TAP1: variants seen among roughly 807,000 people sequenced by gnomAD.
TAP1 encodes the protein antigen peptide transporter 1.
A neutral mutation model predicts 79.3 loss-of-function variants in TAP1; 56 were observed. The ratio of observed to expected loss-of-function variants is 0.71; its 90% CI spans 0.57 to 0.88. The LOEUF (loss-of-function observed/expected upper bound fraction) is 0.88. TAP1 is among the 40% of genes least tolerant of loss of function. The probability of loss-of-function intolerance (pLI) is 0.00; values close to 1 mark genes in which losing one functional copy is unlikely to be tolerated. For synonymous variants in TAP1, 355 were observed against 401.4 expected (o/e 0.88, Z 1.38); for missense variants, 737 against 936.3 (o/e 0.79, Z 2.78).
In TAP1 at chr6:32,847,196, C is replaced by T. The variant is rs1770482881; in HGVS notation, c.1912G>A (p.Glu638Lys). Residue 638 changes from glutamate (E) to lysine (K), a missense_variant, in exon 10 of 11, where the codon GAG becomes AAG. Transcript: ENST00000354258. The surrounding 1 kb of genome is among the most constrained non-coding windows in gnomAD (Gnocchi z 4.7). ...CCCCCTGACAGCTGGCTCCCAGCCT[C>T]GTCTACCTCTGCAGAGCAAAGGGCC... ...LPQGYDTEVD[E>K]AGSQLSGGQR... 1 of 1,611,978 alleles carries T rather than the reference C, an allele frequency of 6.2e-7. No individual in the cohort carries two copies. Among genetic ancestry groups the T allele is most frequent in the Non-Finnish European group, 8.5e-7 (1 of 1,180,024 alleles).
chr6:32,852,395 T>A lies in TAP1; in HGVS notation c.706A>T (p.Ile236Leu), dbSNP rs1223438256. The stretch of plus-strand genomic sequence containing the variant: ...CATTTTCAGCCCCCAGACCTGGCTA[T>A]GGTGAGAATGGACATGAGAGTTAAG... ...RNLTLMSILT[I>L]ASAVLEFVGD... Residue 236 changes from isoleucine to leucine, a missense_variant, in exon 2 of 11, where the codon ATA (isoleucine) becomes TTA (leucine). Physicochemically the swap from Ile to Leu is conservative, Grantham distance 5 (BLOSUM62 2). This residue lies in a region of TAP1 where 406 missense variants were observed against 477.2 expected (regional missense o/e 0.85). Coordinates refer to ENST00000354258, the MANE Select transcript of TAP1 (RefSeq NM_000593.6). The surrounding 1 kb of genome is among the most constrained non-coding windows in gnomAD (Gnocchi z 4.8). 6.2e-7 allele frequency: 1 copy of A among 1,613,044 alleles called. No individual in the cohort carries two copies. Among genetic ancestry groups the A allele is most frequent in the Non-Finnish European group, 8.5e-7 (1 of 1,180,020 alleles).
Position 32,850,155 on chromosome 6 carries a change from G to T in TAP1, c.1248+165C>A, listed in dbSNP as rs151186548. 5,739 of 732,578 alleles carry T rather than the reference G, an allele frequency of 7.8e-3. 257 individuals carry two copies. Among genetic ancestry groups the T allele is most frequent in the South Asian group, 0.062 (4,132 of 66,688 alleles). The allele number at this position is 732,578 out of a possible 1,614,324, so 45.4% of individuals were successfully genotyped here. Reference sequence around the variant, plus strand: ...CTAGCATCTTTAAAGAGAGGGAGGGGGCTAGGGACACTGAGTAGAGTCATT... The same window carrying T: ...CTAGCATCTTTAAAGAGAGGGAGGGTGCTAGGGACACTGAGTAGAGTCATT... On this transcript the variant is annotated intron_variant, in intron 5 of 10. Transcript: ENST00000354258. The surrounding 1 kb of genome is among the most constrained non-coding windows in gnomAD (Gnocchi z 5.5).
chr6:32,846,510 T>G (rs1300683971), intron 10 of TAP1: 1 of 170,740 alleles, frequency 5.9e-6, no homozygotes, highest in African/African-American at 2.4e-5. Flanking sequence ...CTTTTCCTTA[T>G]GTTTCGCTTT....
In TAP1 at chr6:32,853,099, G is replaced by A; in HGVS notation, c.538C>T (p.Leu180=). The part of the protein sequence containing the change: ...GNPVRRLLGC[L]GSETRRLSLF... ...GAGAGGCGGCGCGTCTCCGAGCCCA[G>A]GCAGCCTAGAAGCCGACGCACAGGG... The change falls in exon 1 of 11, where the codon CTG becomes TTG. Residue 180 remains leucine (L), a synonymous_variant. Transcript: ENST00000354258. This position sits in a 1 kb window ranked among gnomAD's most constrained non-coding sequence, Gnocchi z 8.3. 6.2e-7 allele frequency: 1 copy of A among 1,612,726 alleles called. No homozygotes were observed. Among genetic ancestry groups the A allele is most frequent in the East Asian group, 2.2e-5 (1 of 44,888 alleles).
chr6:32,845,579 T>C lies in TAP1; in HGVS notation c.2247A>G (p.Ter749TrpextTer32). The C allele has an allele frequency of 1.2e-6, 2 of 1,613,034 alleles. No individual in the cohort carries two copies. The highest frequency in any genetic ancestry group is 1.7e-6 in the Non-Finnish European group (2 of 1,180,018). ...MVQAPADAPE[*>W] ...GGAGTGCGCAGGTCTGAGAAGGCTT[T>C]CATTCTGGAGCATCTGCAGGAGCCT... The change falls in exon 11 of 11, where the codon TGA becomes TGG. Residue 749 changes from the stop codon to tryptophan (W), a stop_lost. Transcript: ENST00000354258. This position sits in a 1 kb window ranked among gnomAD's most constrained non-coding sequence, Gnocchi z 4.5.
intron 10 of TAP1, among the ~76,000 whole-genome samples, chr6:32,846,713 G>A (rs1770435042): frequency 6.6e-6 from 1 of 152,038 alleles, no homozygotes; most frequent in Non-Finnish European, 1.5e-5. Flanking sequence ...CAGCTACTCG[G>A]GAGGCTGAGG....
In TAP1 at chr6:32,853,079, G is replaced by T. The variant is rs746995070; in HGVS notation, c.558C>A (p.Arg186=). 6.2e-7 allele frequency: 1 copy of T among 1,612,668 alleles called. No homozygotes were observed. Among genetic ancestry groups the T allele is most frequent in the African/African-American group, 1.3e-5 (1 of 75,052 alleles). Reference sequence around the variant, plus strand: ...CCACCAGGACCAGGAACAGCGAGAGGCGGCGCGTCTCCGAGCCCAGGCAGC... The same window carrying T: ...CCACCAGGACCAGGAACAGCGAGAGTCGGCGCGTCTCCGAGCCCAGGCAGC... The part of the protein sequence containing the change: ...LLGCLGSETR[R]LSLFLVLVVL... Residue 186 remains arginine, a synonymous_variant, in exon 1 of 11, where the codon CGC becomes CGA. Transcript: ENST00000354258. The surrounding 1 kb of genome is among the most constrained non-coding windows in gnomAD (Gnocchi z 8.3).
intron 5 of TAP1, chr6:32,849,325 A>C: frequency 1.6e-6 from 1 of 634,506 alleles, no homozygotes; most frequent in Non-Finnish European, 2.8e-6. Context: ...CTTCACCACC[A>C]TCACCACTAT....
rs779587883 is a variant in TAP1 at position 32,848,648 on chromosome 6, G to A, written c.1566+4C>T. ...AGTGGAATACAGGGAGTGGTAGGTTGTACCTGTAGCACTAAGACATCTGGG... is the reference window on the plus strand; with the variant it reads ...AGTGGAATACAGGGAGTGGTAGGTTATACCTGTAGCACTAAGACATCTGGG... On this transcript the variant is annotated splice_donor_region_variant and intron_variant, in intron 7 of 10. Transcript: ENST00000354258. 3 of 1,613,790 alleles carry A rather than the reference G, an allele frequency of 1.9e-6. No homozygotes were observed. Among genetic ancestry groups the A allele is most frequent in the East Asian group, 2.2e-5 (1 of 44,884 alleles).
In TAP1 at chr6:32,851,927, GAGAGAGAGAGAGAGAGACAGAGAC is replaced by G. The variant is rs1390436007; in HGVS notation, c.844+158_844+181del. On this transcript the variant is annotated intron_variant, in intron 3 of 10. Coordinates refer to ENST00000354258, the MANE Select transcript of TAP1 (RefSeq NM_000593.6). This position sits in a 1 kb window ranked among gnomAD's most constrained non-coding sequence, Gnocchi z 4.8. ...AACAATTGTGTGTGTGTGTGTGTGA[GAGAGAGAGAGAGAGAGACAGAGAC>G]AGAGAGAGAGAGACAGGGAGAGGGT... 7.0e-6 allele frequency among the ~76,000 whole-genome samples: 1 copy of G among 142,800 alleles called. No homozygotes were observed. The highest frequency in any genetic ancestry group is 2.9e-5 in the African/African-American group (1 of 34,242). The allele number at this position is 142,800 out of a possible 152,430, so 93.7% of individuals were successfully genotyped here. A position where few individuals can be genotyped will look rare whatever the true frequency, so the allele number is the denominator to read the frequency against.
rs1188484455 is a variant in TAP1, at chr6:32,850,522, G to A, written c.1051-5C>T. 1 of 1,610,486 alleles carries A rather than the reference G, an allele frequency of 6.2e-7. No individual in the cohort carries two copies. Among genetic ancestry groups the A allele is most frequent in the South Asian group, 1.1e-5 (1 of 91,064 alleles). ...CCGCACCTGCACTTCCAGCAACTGT[G>A]GATACATGGACAAGAGATGTCACAC... On this transcript the variant is annotated splice_polypyrimidine_tract_variant and splice_region_variant and intron_variant, in intron 4 of 10. Coordinates refer to ENST00000354258, the MANE Select transcript of TAP1 (RefSeq NM_000593.6). The surrounding 1 kb of genome is among the most constrained non-coding windows in gnomAD (Gnocchi z 5.5).
At position 32,850,886 on chromosome 6, in the gene TAP1, G is replaced by A; in HGVS notation, c.1050+58C>T. On this transcript the variant is annotated intron_variant, in intron 4 of 10. Transcript: ENST00000354258. The surrounding 1 kb of genome is among the most constrained non-coding windows in gnomAD (Gnocchi z 5.5). The stretch of plus-strand genomic sequence containing the variant: ...CTGAAAGCAATGTGAGAGGAACTGA[G>A]TCTGCCAAGTCTGGGAGATGAGGGT... The A allele has an allele frequency of 1.4e-6, 2 of 1,477,110 alleles. No individual in the cohort carries two copies. The highest frequency in any genetic ancestry group is 1.9e-6 in the Non-Finnish European group (2 of 1,058,270). The allele number at this position is 1,477,110 out of a possible 1,614,324, so 91.5% of individuals were successfully genotyped here.
chr6:32,849,109 T>C lies in TAP1; in HGVS notation c.1258A>G (p.Met420Val), dbSNP rs751163832. Reference protein sequence around the residue: ...VNSWTTSISGMLLKVGILYIG... With the variant: ...VNSWTTSISGVLLKVGILYIG... ...TAGAGGATTCCCACTTTCAGCAGCA[T>C]ACCTGAAATCTATAAAGAGACCACA... Residue 420 changes from methionine to valine, a missense_variant, in exon 6 of 11, where the codon ATG becomes GTG. Transcript: ENST00000354258. 2 of 1,582,910 alleles carry C rather than the reference T, an allele frequency of 1.3e-6. No homozygotes were observed. The highest frequency in any genetic ancestry group is 1.1e-5 in the South Asian group (1 of 86,992).
At chr6:32,849,264 C>G in intron 5 of TAP1, 146 bp from the exon 6 acceptor site, 3 of 942,092 alleles carry the variant, frequency 3.2e-6, no homozygotes, top group Non-Finnish European at 4.9e-6. Flanking sequence ...GAGAATGAAC[C>G]AGAGACCCCA....
In TAP1 at chr6:32,852,107, A is replaced by T; in HGVS notation, c.844+2T>A. The T allele has an allele frequency of 6.2e-7, 1 of 1,612,772 alleles. No homozygotes were observed. The highest frequency in any genetic ancestry group is 8.5e-7 in the Non-Finnish European group (1 of 1,179,958). ...GTATAATGAAAGAGTTTCAGGAGAA[A>T]CCTGTCTGGTTCTGTTGGAAAAACT... On this transcript the variant is annotated splice_donor_variant, in intron 3 of 10. Coordinates refer to ENST00000354258, the MANE Select transcript of TAP1 (RefSeq NM_000593.6). LOFTEE classifies it high-confidence loss of function. The surrounding 1 kb of genome is among the most constrained non-coding windows in gnomAD (Gnocchi z 4.8).
At position 32,853,282 on chromosome 6, in the gene TAP1, A is replaced by G. The variant is rs763585575; in HGVS notation, c.355T>C (p.Trp119Arg). ...GLALFRELIS[W>R]GAPGSADSTR... is the part of the protein sequence containing the mutation. ...CTATCCGCGGACCCGGGGGCTCCCC[A>G]TGAGATCAGCTCTCGGAACAAGGCA... Residue 119 changes from tryptophan (W) to arginine (R), a missense_variant, in exon 1 of 11, where the codon TGG (tryptophan) becomes CGG (arginine). Transcript: ENST00000354258. The surrounding 1 kb of genome is among the most constrained non-coding windows in gnomAD (Gnocchi z 8.3). 6.3e-7 allele frequency: 1 copy of G among 1,585,358 alleles called. No individual in the cohort carries two copies. The highest frequency in any genetic ancestry group is 1.1e-5 in the South Asian group (1 of 88,184).
chr6:32,846,842 G>T (rs2046727210), intron 10 of TAP1, among the ~76,000 whole-genome samples: 1 of 151,870 alleles, frequency 6.6e-6, no homozygotes, highest in African/African-American at 2.4e-5. Context: ...AAGAAAGAAA[G>T]AAATTCAGTC....
At chr6:32,846,160 G>T (rs528941149) in intron 10 of TAP1, 1 of 329,566 alleles carries the variant, frequency 3.0e-6, no homozygotes, top group Non-Finnish European at 5.8e-6. Context: ...TTGGGTCAAG[G>T]CTGCGCCACT....
At position 32,852,832 on chromosome 6, in the gene TAP1, G is replaced by A. The variant is rs946376048; in HGVS notation, c.598+207C>T. The A allele has an allele frequency of 2.1e-6, 3 of 1,439,674 alleles. No homozygotes were observed. The highest frequency in any genetic ancestry group is 1.4e-5 in the African/African-American group (1 of 69,732). 89.2% of individuals were successfully genotyped at this position (1,439,674 alleles called of 1,614,324 possible). A position where few individuals can be genotyped will look rare whatever the true frequency, so the allele number is the denominator to read the frequency against. On this transcript the variant is annotated intron_variant, in intron 1 of 10. Transcript: ENST00000354258. The surrounding 1 kb of genome is among the most constrained non-coding windows in gnomAD (Gnocchi z 4.8). ...GGCGTGGCCCAAAGAATCAAGACCC[G>A]GTCAGCAATGGAGCCCAGAACCTCT... is the stretch of plus-strand genomic sequence containing the variant.
Sources: gnomAD v4.1 joint callset for allele counts (sites outside exome capture counted in the v4.1 genomes callset) on GRCh38, gnomAD v4.1.1 for gene constraint, gnomAD v4.1.1 regional missense constraint, Gnocchi (gnomAD v3.1) non-coding constraint, MANE v1.5 for transcripts, NCBI Gene and HGNC (gene_info 2026-07-23, HGNC 2026-07-21) for gene names.